The following OXR1 variants were observed in gnomAD, a reference collection of about 807,000 sequenced individuals.
OXR1 encodes oxidation resistance protein 1.
Under a neutral mutation model 104.6 loss-of-function variants are expected in OXR1, and 41 were observed. The observed-to-expected ratio is 0.39, with a 90% CI of 0.31 to 0.51. The LOEUF is 0.51. Among genes scored for constraint, OXR1 ranks in the 20% least tolerant of loss-of-function variants. The probability of loss-of-function intolerance (pLI) is 0.77; values close to 1 mark genes in which losing one functional copy is unlikely to be tolerated. For synonymous variants in OXR1, 348 were observed against 348.4 expected, an observed-to-expected ratio of 1.00 and a Z score of 0.01; for missense variants, 955 against 1,031.9, an observed-to-expected ratio of 0.93 and a Z score of 1.02.
intron 2 of OXR1, among the ~76,000 whole-genome samples, chr8:106,512,159 A>T (rs1000264979): frequency 3.9e-5 from 6 of 152,162 alleles, no homozygotes; most frequent in African/African-American, 1.4e-4. Flanking sequence ...GAGAAAATGG[A>T]GGCAAGGAAA....
intron 2 of OXR1, among the ~76,000 whole-genome samples, chr8:106,406,895 T>C (rs1480720769): frequency 2.6e-5 from 4 of 151,834 alleles, no homozygotes; most frequent in African/African-American, 4.8e-5. Context: ...AACAATGTAC[T>C]ATTAGTTTGG....
chr8:106,410,012 A>G (rs1282226995), intron 2 of OXR1, among the ~76,000 whole-genome samples: 1 of 139,882 alleles, frequency 7.1e-6, no homozygotes, highest in East Asian at 2.4e-4. Context: ...ACACACACAC[A>G]CACATAAGAA....
At chr8:106,471,688 A>G (rs1821500172) in intron 2 of OXR1, among the ~76,000 whole-genome samples, 1 of 151,850 alleles carries the variant, frequency 6.6e-6, no homozygotes, top group African/African-American at 2.4e-5. Flanking sequence ...TTCTGATTTT[A>G]AAGTAATAAG....
chr8:106,680,797 A>G (rs1828074216), intron 4 of OXR1, among the ~76,000 whole-genome samples: 1 of 152,150 alleles, frequency 6.6e-6, no homozygotes, highest in African/African-American at 2.4e-5. Flanking sequence ...TAAACAAATT[A>G]TGGAAGCCTC....
At chr8:106,558,995 G>T (rs1272258437) in intron 3 of OXR1, among the ~76,000 whole-genome samples, 1 of 152,148 alleles carries the variant, frequency 6.6e-6, no homozygotes, top group Non-Finnish European at 1.5e-5. Context: ...CTTTAAGTTG[G>T]CTTCCCTTTT....
At chr8:106,270,479 C>G (rs1483524593) in intron 1 of OXR1, 112 bp downstream of exon 1, 1 of 152,590 alleles carries the variant, frequency 6.6e-6, no homozygotes, top group South Asian at 2.1e-4. Context: ...GGCCTCTGCC[C>G]CCTGTGCCTG....
intron 2 of OXR1, among the ~76,000 whole-genome samples, chr8:106,466,284 A>G (rs531201167): frequency 1.3e-5 from 2 of 152,094 alleles, no homozygotes; most frequent in East Asian, 1.9e-4. Context: ...AGAAAATATT[A>G]TAGAAGTAGG....
chr8:106,533,155 GA>G (rs1225509924), intron 3 of OXR1, among the ~76,000 whole-genome samples: 5 of 152,156 alleles, frequency 3.3e-5, no homozygotes, highest in Non-Finnish European at 4.4e-5. Flanking sequence ...GGCTGCCCCT[GA>G]CTATTTCTGG....
intron 2 of OXR1, among the ~76,000 whole-genome samples, chr8:106,506,952 A>G (rs1812205060): frequency 6.6e-6 from 1 of 151,690 alleles, no homozygotes; most frequent in South Asian, 2.1e-4. Flanking sequence ...AGTTGGGCAC[A>G]GTGGTGTGCC....
intron 11 of OXR1, chr8:106,725,917 A>G: frequency 4.2e-6 from 1 of 238,934 alleles, no homozygotes; most frequent in South Asian, 1.0e-4. Context: ...TAGTATATTC[A>G]TGTACTGATG....
intron 2 of OXR1, among the ~76,000 whole-genome samples, chr8:106,385,753 G>A (rs1300343469): frequency 6.6e-6 from 1 of 152,072 alleles, no homozygotes; most frequent in African/African-American, 2.4e-5. Context: ...TATCCAATTT[G>A]TTATGCATGA....
intron 1 of OXR1, among the ~76,000 whole-genome samples, chr8:106,290,092 A>G (rs1180670846): frequency 6.6e-6 from 1 of 152,154 alleles, no homozygotes; most frequent in Non-Finnish European, 1.5e-5. Flanking sequence ...TAGCAGTGTG[A>G]GAATGGACTA....
rs1025546029 is a variant in OXR1, at chr8:106,467,532, T to C, written c.24-51411T>C. Among the ~76,000 whole-genome samples, 5 of 152,016 alleles carry C rather than the reference T, an allele frequency of 3.3e-5. No individual in the cohort carries two copies. The East Asian group carries it at 5.8e-4, about 18-fold the overall frequency. On this transcript the variant is annotated intron_variant, in intron 2 of 16. Transcript: ENST00000517566. ...GCCTCCATATCTCACAGGGATGATC[T>C]TGATGGAAGCTATACTTACAAAAGA... is the stretch of plus-strand genomic sequence containing the variant.
At chr8:106,680,052 G>C (rs1563698142) in intron 4 of OXR1, among the ~76,000 whole-genome samples, 1 of 152,016 alleles carries the variant, frequency 6.6e-6, no homozygotes, top group Non-Finnish European at 1.5e-5. Flanking sequence ...AAACCGTCCA[G>C]TCTTGGTTTG....
At chr8:106,734,896 C>T (rs1229759746) in intron 11 of OXR1, among the ~76,000 whole-genome samples, 2 of 152,082 alleles carry the variant, frequency 1.3e-5, no homozygotes, top group African/African-American at 4.8e-5. Context: ...CCTTAAGAAA[C>T]GATTTTTTAG....
chr8:106,465,256 A>G (rs759542739), intron 2 of OXR1, among the ~76,000 whole-genome samples: 2 of 152,000 alleles, frequency 1.3e-5, no homozygotes, highest in East Asian at 1.9e-4. Flanking sequence ...AAAGGCCTGA[A>G]GTGGGGGCAT....
At chr8:106,360,413 C>T (rs1377268234) in intron 2 of OXR1, among the ~76,000 whole-genome samples, 1 of 152,030 alleles carries the variant, frequency 6.6e-6, no homozygotes, top group South Asian at 2.1e-4. Context: ...TTTATCCTTG[C>T]TCTTCAATTT....
At chr8:106,596,793 G>T (rs1177857636) in intron 3 of OXR1, among the ~76,000 whole-genome samples, 2 of 152,062 alleles carry the variant, frequency 1.3e-5, no homozygotes, top group South Asian at 4.2e-4. Flanking sequence ...GGTGGCTCAC[G>T]CCTGTAATCC....
intron 7 of OXR1, among the ~76,000 whole-genome samples, chr8:106,696,989 A>G (rs1428855878): frequency 1.3e-5 from 2 of 152,298 alleles, no homozygotes; most frequent in East Asian, 3.9e-4. Flanking sequence ...CTGCAGCCAC[A>G]GCTGTGGGAG....
Sources: gnomAD v4.1 joint callset for allele counts (sites outside exome capture counted in the v4.1 genomes callset) on GRCh38, gnomAD v4.1.1 for gene constraint, MANE v1.5 for transcripts, NCBI Gene and HGNC (gene_info 2026-07-23, HGNC 2026-07-21) for gene names.